The following ADAM12 variants were observed in gnomAD, a reference collection of about 807,000 sequenced individuals.
ADAM12 encodes the protein disintegrin and metalloproteinase domain-containing protein 12.
ADAM12 carries 70 observed loss-of-function variants against 106.4 expected under a neutral mutation model. The observed-to-expected ratio is 0.66, with a 90% CI of 0.54 to 0.80. The LOEUF (loss-of-function observed/expected upper bound fraction) is 0.80. ADAM12 is among the 30% of genes least tolerant of loss of function. The pLI is 0.00. For missense variants in ADAM12, 1,010 were observed against 1,171.9 expected, an observed-to-expected ratio of 0.86 and a Z score of 2.02; for synonymous variants, 420 against 433.5, an observed-to-expected ratio of 0.97 and a Z score of 0.39.
chr10:126,055,996 AGT>A (rs2133456531), intron 14 of ADAM12, among the ~76,000 whole-genome samples: 1 of 152,306 alleles, frequency 6.6e-6, no homozygotes, highest in Non-Finnish European at 1.5e-5. Flanking sequence ...AAAAATTCGG[AGT>A]AGAATGACTT....
At chr10:126,332,164 T>C (rs890979598) in intron 1 of ADAM12, among the ~76,000 whole-genome samples, 1 of 152,240 alleles carries the variant, frequency 6.6e-6, no homozygotes, top group African/African-American at 2.4e-5. Context: ...AGTATTCAAC[T>C]GTCTACCTGG....
At chr10:126,186,328 G>A (rs867948532) in intron 3 of ADAM12, among the ~76,000 whole-genome samples, 8 of 152,152 alleles carry the variant, frequency 5.3e-5, no homozygotes, top group South Asian at 2.1e-4. Context: ...GTCTATTGCC[G>A]GAGAACAGCA....
chr10:126,172,515 T>C (rs1217779583), intron 3 of ADAM12, among the ~76,000 whole-genome samples: 1 of 152,212 alleles, frequency 6.6e-6, no homozygotes, highest in South Asian at 2.1e-4. Context: ...AAGCTCATCA[T>C]CACTGATCAT....
chr10:126,091,733 T>C lies in ADAM12; in HGVS notation c.1145+2252A>G, dbSNP rs1362301367. ...CAGCACTGCCATGAAGACTTTCCAA[T>C]TGGAAAGGATTTAGATAAAACCATA... On this transcript the variant is annotated intron_variant, in intron 11 of 22. Transcript: ENST00000448723. Among the ~76,000 whole-genome samples, 9 of 152,148 alleles carry C rather than the reference T, an allele frequency of 5.9e-5. No individual in the cohort carries two copies. The East Asian group carries it at 1.3e-3, about 23-fold the overall frequency.
At chr10:126,172,916 A>G (rs1170224491) in intron 3 of ADAM12, among the ~76,000 whole-genome samples, 2 of 152,252 alleles carry the variant, frequency 1.3e-5, no homozygotes, top group Non-Finnish European at 2.9e-5. Context: ...ACCATGGAAT[A>G]CTATGCAGCC....
intron 2 of ADAM12, among the ~76,000 whole-genome samples, chr10:126,308,741 G>A (rs187797547): frequency 9.9e-5 from 15 of 152,270 alleles, no homozygotes; most frequent in African/African-American, 3.6e-4. Context: ...TGTACTTTGT[G>A]GTAGAAGAAA....
chr10:126,120,449 C>T lies in ADAM12; in HGVS notation c.417-2225G>A, dbSNP rs115902287. On this transcript the variant is annotated intron_variant, in intron 5 of 22. Transcript: ENST00000448723. The stretch of plus-strand genomic sequence containing the variant: ...ATTGGGCTGGAAGAACATACAATGG[C>T]CTGGGACAAAGTCTGTTGGGCCTGC... 4.6e-3 allele frequency among the ~76,000 whole-genome samples: 696 copies of T among 152,196 alleles called. 5 individuals carry two copies. The highest frequency in any genetic ancestry group is 0.015 in the African/African-American group (642 of 41,544).
intron 1 of ADAM12, among the ~76,000 whole-genome samples, chr10:126,357,620 A>T (rs1477977064): frequency 1.3e-5 from 2 of 152,176 alleles, no homozygotes; most frequent in South Asian, 4.1e-4. Flanking sequence ...GGCCTCAGGA[A>T]ACTTATGATC....
intron 3 of ADAM12, among the ~76,000 whole-genome samples, chr10:126,202,148 G>A (rs1046668638): frequency 6.6e-6 from 1 of 152,228 alleles, no homozygotes; most frequent in African/African-American, 2.4e-5. Flanking sequence ...ACTGTGGCTG[G>A]AGATCCACCC....
intron 3 of ADAM12, 112 bp downstream of exon 3, chr10:126,278,803 A>T (rs980339510): frequency 2.7e-6 from 2 of 730,654 alleles, no homozygotes; most frequent in Non-Finnish European, 4.3e-6. Flanking sequence ...TTGGATTACA[A>T]ATCCATGCAT....
chr10:126,184,283 G>C (rs1465233244), intron 3 of ADAM12, among the ~76,000 whole-genome samples: 1 of 152,158 alleles, frequency 6.6e-6, no homozygotes, highest in African/African-American at 2.4e-5. Flanking sequence ...TGTAATATCA[G>C]CAACTTTTAG....
chr10:126,272,753 T>C (rs570489006), intron 3 of ADAM12: 13 of 212,068 alleles, frequency 6.1e-5, no homozygotes, highest in Non-Finnish European at 1.2e-4. Context: ...CTGTGTGCTC[T>C]GAGGGAGGGT....
chr10:126,363,052 T>A (rs1207649515), intron 1 of ADAM12, among the ~76,000 whole-genome samples: 1 of 152,198 alleles, frequency 6.6e-6, no homozygotes, highest in Non-Finnish European at 1.5e-5. Flanking sequence ...GGGCCCCATA[T>A]AATTTGTCAA....
chr10:126,353,460 T>C (rs969228426), intron 1 of ADAM12, among the ~76,000 whole-genome samples: 7 of 152,176 alleles, frequency 4.6e-5, no homozygotes, highest in Admixed American at 2.6e-4. Context: ...CACAGGCTAC[T>C]AGGCACAAAG....
At chr10:126,329,129 T>TAAA (rs59399247) in intron 2 of ADAM12, among the ~76,000 whole-genome samples, 1 of 145,612 alleles carries the variant, frequency 6.9e-6, no homozygotes, top group African/African-American at 2.5e-5. Context: ...AACAAATACT[T>TAAA]AAAAAAAAAA....
intron 1 of ADAM12, among the ~76,000 whole-genome samples, chr10:126,356,851 T>A (rs557966283): frequency 6.6e-6 from 1 of 152,116 alleles, no homozygotes; most frequent in East Asian, 1.9e-4. Flanking sequence ...AAAAATGCAA[T>A]AGAAAGCTTC....
At chr10:126,019,606 A>G (rs558557235) in intron 22 of ADAM12, 89 bp downstream of exon 22, 7 of 1,520,502 alleles carry the variant, frequency 4.6e-6, no homozygotes, top group Middle Eastern at 1.8e-4. Context: ...GGCCTAGACC[A>G]CTGCACCCCT....
At chr10:126,175,505 C>T (rs1235936388) in intron 3 of ADAM12, among the ~76,000 whole-genome samples, 2 of 152,208 alleles carry the variant, frequency 1.3e-5, no homozygotes, top group Admixed American at 6.5e-5. Context: ...CCAAAAAACA[C>T]AGCATCAAGT....
intron 3 of ADAM12, among the ~76,000 whole-genome samples, chr10:126,187,975 G>GT (rs1379276217): frequency 6.6e-6 from 1 of 152,192 alleles, no homozygotes; most frequent in Non-Finnish European, 1.5e-5. Flanking sequence ...TTAGGTCAGA[G>GT]TGCTGGCTAA....
Sources: gnomAD v4.1 joint callset for allele counts (sites outside exome capture counted in the v4.1 genomes callset) on GRCh38, gnomAD v4.1.1 for gene constraint, MANE v1.5 for transcripts, NCBI Gene and HGNC (gene_info 2026-07-23, HGNC 2026-07-21) for gene names.